The following KCP variants were observed in gnomAD, a reference collection of about 807,000 sequenced individuals.
KCP encodes the protein kielin cysteine rich BMP regulator.
In KCP, 194 loss-of-function variants were observed where a neutral mutation model predicts 212.7. That is an observed-to-expected ratio of 0.91 (90% CI 0.81 to 1.03). The LOEUF (loss-of-function observed/expected upper bound fraction) is 1.03. KCP is among the 50% of genes least tolerant of loss of function. The probability of loss-of-function intolerance (pLI) is 0.00; values close to 1 mark genes in which losing one functional copy is unlikely to be tolerated. For missense variants in KCP, 2,080 were observed against 2,162.5 expected (o/e 0.96, Z 0.76); for synonymous variants, 833 against 865.3 (o/e 0.96, Z 0.65).
At position 128,906,365 on chromosome 7, in the gene KCP, T is replaced by C. The variant is rs755689066; in HGVS notation, c.487-2A>G. ...CTGGTTGCAAGTGATGGTACCTTCCTGTGGGAGCAGACTGAGGTGGCTGCA... is the reference window on the plus strand; with the variant it reads ...CTGGTTGCAAGTGATGGTACCTTCCCGTGGGAGCAGACTGAGGTGGCTGCA... On this transcript the variant is annotated splice_acceptor_variant, in intron 4 of 39. Transcript: ENST00000610776. LOFTEE classifies it high-confidence loss of function. 6 of 1,546,454 alleles carry C rather than the reference T, an allele frequency of 3.9e-6. No homozygotes were observed. The South Asian group carries it at 7.2e-5, about 18-fold the overall frequency.
At chr7:128,904,973 G>A (rs1019555177) in intron 5 of KCP, among the ~76,000 whole-genome samples, 2 of 142,422 alleles carry the variant, frequency 1.4e-5, no homozygotes, top group Non-Finnish European at 1.5e-5. Flanking sequence ...GAGGCACCAC[G>A]TGCCCTGAAG....
chr7:128,883,944 G>T, intron 29 of KCP, 58 bp downstream of exon 29: 1 of 1,507,462 alleles, frequency 6.6e-7, no homozygotes, highest in South Asian at 1.3e-5. Flanking sequence ...GAGGAAGGGC[G>T]GCAGGGGGTG....
chr7:128,882,052 G>A (rs757994754), intron 29 of KCP, 36 bp from the exon 30 acceptor site: 57 of 1,490,504 alleles, frequency 3.8e-5, no homozygotes, highest in Non-Finnish European at 4.8e-5. Flanking sequence ...GGGACAGAAA[G>A]AGGGGCACAG....
At chr7:128,882,462 G>C (rs1443443699) in intron 29 of KCP, among the ~76,000 whole-genome samples, 1 of 152,194 alleles carries the variant, frequency 6.6e-6, no homozygotes, top group Non-Finnish European at 1.5e-5. Flanking sequence ...CTGAGCCTCA[G>C]TTTCTTAATC....
intron 20 of KCP, 101 bp from the exon 21 acceptor site, chr7:128,890,614 G>A: frequency 1.2e-6 from 1 of 856,620 alleles, no homozygotes; most frequent in Non-Finnish European, 1.7e-6. Context: ...TGTCGTGGGG[G>A]CCGTGGGGGC....
At position 128,904,074 on chromosome 7, in the gene KCP, A is replaced by G; in HGVS notation, c.636T>C (p.Cys212=). ...GACTCACCAGGCAGGTGCACTGTAG[A>G]CAAGGGTTGGAGCTGGACAGGAAGG... is the stretch of plus-strand genomic sequence containing the variant. ...GVTFLSSSNP[C]LQCTCLRSRV... The change falls in exon 6 of 40, where the codon TGT becomes TGC. Residue 212 remains cysteine, a synonymous_variant. Coordinates refer to ENST00000610776, the MANE Select transcript of KCP (RefSeq NM_001366122.1). 6.4e-7 allele frequency: 1 copy of G among 1,551,584 alleles called. No homozygotes were observed. The highest frequency in any genetic ancestry group is 1.2e-5 in the South Asian group (1 of 84,048).
At position 128,877,578 on chromosome 7, in the gene KCP, G is replaced by A. The variant is rs371147510; in HGVS notation, c.4524C>T (p.Ser1508=). Residue 1508 remains serine, a synonymous_variant, in exon 39 of 40, where the codon TCC becomes TCT. Coordinates refer to ENST00000610776, the MANE Select transcript of KCP (RefSeq NM_001366122.1). ...YDLCACGPGS[S]ADACLCDALE... Reference sequence around the variant, plus strand: ...GGGCATCACAGAGGCAGGCATCAGCGGAGGAGCCAGGGCCACAGGCACACA... The same window carrying A: ...GGGCATCACAGAGGCAGGCATCAGCAGAGGAGCCAGGGCCACAGGCACACA... 1.9e-4 allele frequency: 294 copies of A among 1,551,574 alleles called. No individual in the cohort carries two copies. The highest frequency in any genetic ancestry group is 1.1e-3 in the Admixed American group (54 of 51,006).
intron 8 of KCP, among the ~76,000 whole-genome samples, chr7:128,895,376 A>G (rs1272257367): frequency 1.3e-5 from 2 of 152,182 alleles, no homozygotes; most frequent in African/African-American, 4.8e-5. Flanking sequence ...CATGGTGGCT[A>G]CTGCCACTAC....
intron 11 of KCP, 111 bp from the exon 12 acceptor site, chr7:128,893,587 C>T: frequency 2.0e-6 from 2 of 1,010,240 alleles, no homozygotes; most frequent in Non-Finnish European, 2.9e-6. Flanking sequence ...CAGCCGAGTT[C>T]TCCAGGGCGC....
Position 128,910,643 on chromosome 7 carries a change from G to A in KCP, c.34C>T (p.Leu12Phe), listed in dbSNP as rs1359490814. The change falls in exon 1 of 40, where the codon CTC (leucine) becomes TTC (phenylalanine). Residue 12 changes from leucine to phenylalanine, a missense_variant. Leu to Phe is a conservative substitution (Grantham distance 22). Transcript: ENST00000610776. Reference sequence around the variant, plus strand: ...AGCGCCAGGGCCCCGAGGTGCAGGAGAAGGGACAGCGCAGCGGCCCCGACC... The same window carrying A: ...AGCGCCAGGGCCCCGAGGTGCAGGAAAAGGGACAGCGCAGCGGCCCCGACC... ...AGVGAAALSL[L>F]LHLGALALAA... The A allele has an allele frequency of 1.3e-6, 2 of 1,517,656 alleles. No individual in the cohort carries two copies. The highest frequency in any genetic ancestry group is 2.6e-5 in the East Asian group (1 of 38,636). 94.0% of individuals were successfully genotyped at this position (1,517,656 alleles called of 1,614,324 possible).
At chr7:128,893,707 T>C (rs750651660) in intron 11 of KCP, 99 bp downstream of exon 11, 1 of 1,315,228 alleles carries the variant, frequency 7.6e-7, no homozygotes, top group Non-Finnish European at 1.0e-6. Flanking sequence ...GGGAACAGGG[T>C]AACAGGGGCT....
chr7:128,887,231 G>C lies in KCP; in HGVS notation c.2582C>G (p.Ser861Cys), dbSNP rs1250455625. 6.4e-7 allele frequency: 1 copy of C among 1,551,366 alleles called. No homozygotes were observed. The highest frequency in any genetic ancestry group is 8.7e-7 in the Non-Finnish European group (1 of 1,146,842). Reference sequence around the variant, plus strand: ...CTGCCTCACCTGGCAGGTGCAGAGGGAGCAGGTAGGGTCAAGTGGGTCAGG... The same window carrying C: ...CTGCCTCACCTGGCAGGTGCAGAGGCAGCAGGTAGGGTCAAGTGGGTCAGG... Reference protein sequence around the residue: ...TLPDPLDPTCSLCTCQEGSMR... With the variant: ...TLPDPLDPTCCLCTCQEGSMR... Residue 861 changes from serine (S) to cysteine (C), a missense_variant, in exon 23 of 40, where the codon TCC becomes TGC. Ser to Cys is a moderately radical substitution (Grantham distance 112, BLOSUM62 -1). Coordinates refer to ENST00000610776, the MANE Select transcript of KCP (RefSeq NM_001366122.1).
chr7:128,885,099 G>A lies in KCP; in HGVS notation c.3038C>T (p.Ser1013Phe). Reference protein sequence around the residue: ...QGPHDCCPQCSDCEHEGRKYE... With the variant: ...QGPHDCCPQCFDCEHEGRKYE... ...CTCCCGCCCCAGGCTTCCAGTACCAGAGCATTGAGGACAGCAGTCATGGGG... is the reference window on the plus strand; with the variant it reads ...CTCCCGCCCCAGGCTTCCAGTACCAAAGCATTGAGGACAGCAGTCATGGGG... Residue 1013 changes from serine (S) to phenylalanine (F), a missense_variant and splice_region_variant, in exon 27 of 40, where the codon TCT becomes TTT. Physicochemically the swap from Ser to Phe is radical, Grantham distance 155. Coordinates refer to ENST00000610776, the MANE Select transcript of KCP (RefSeq NM_001366122.1). 1.9e-6 allele frequency: 3 copies of A among 1,550,770 alleles called. No individual in the cohort carries two copies. Among genetic ancestry groups the A allele is most frequent in the South Asian group, 1.2e-5 (1 of 84,064 alleles).
intron 28 of KCP, 95 bp from the exon 29 acceptor site, chr7:128,884,217 G>A (rs1446093621): frequency 1.4e-6 from 2 of 1,433,834 alleles, no homozygotes; most frequent in Non-Finnish European, 1.8e-6. Flanking sequence ...GCCTGCTGCA[G>A]CCTCTTCCGG....
intron 8 of KCP, among the ~76,000 whole-genome samples, chr7:128,898,114 G>A (rs1004456931): frequency 4.6e-5 from 7 of 151,804 alleles, no homozygotes; most frequent in Non-Finnish European, 1.0e-4. Flanking sequence ...GGAGTGCAAT[G>A]GTGCGATCTT....
chr7:128,889,798 G>A (rs1380909377), intron 21 of KCP: 1 of 153,728 alleles, frequency 6.5e-6, no homozygotes, highest in Non-Finnish European at 1.4e-5. Context: ...AAGACAGGGG[G>A]ACTGGGGGAC....
intron 37 of KCP, 140 bp downstream of exon 37, chr7:128,879,382 C>T: frequency 3.1e-6 from 2 of 654,632 alleles, no homozygotes; most frequent in East Asian, 2.7e-5. Context: ...ATCCACCTCC[C>T]CTCACACCCC....
In KCP at chr7:128,886,753, C is replaced by T. The variant is rs540578695; in HGVS notation, c.2690-16G>A. Reference sequence around the variant, plus strand: ...GAGAGACAGCCTGTGGGGGACACACCTCCTGGGTGGGGGGCCTGTGCCACC... The same window carrying T: ...GAGAGACAGCCTGTGGGGGACACACTTCCTGGGTGGGGGGCCTGTGCCACC... On this transcript the variant is annotated splice_polypyrimidine_tract_variant and intron_variant, in intron 24 of 39. Transcript: ENST00000610776. 408 of 1,550,986 alleles carry T rather than the reference C, an allele frequency of 2.6e-4. 7 individuals carry two copies. In the East Asian group the frequency reaches 9.9e-3, roughly 38 times the overall value.
Position 128,892,855 on chromosome 7 carries a change from G to GC in KCP, c.1420+13dup. ...ATGCAGGGGAAGAAAGCCAGGATCA[G>GC]CCCAGGCACTCACCAGGGGGCTGGG... On this transcript the variant is annotated intron_variant, in intron 14 of 39. Coordinates refer to ENST00000610776, the MANE Select transcript of KCP (RefSeq NM_001366122.1). 6.4e-7 allele frequency: 1 copy of GC among 1,551,184 alleles called. No individual in the cohort carries two copies. Among genetic ancestry groups the GC allele is most frequent in the Non-Finnish European group, 8.7e-7 (1 of 1,146,782 alleles).
Sources: gnomAD v4.1 joint callset for allele counts (sites outside exome capture counted in the v4.1 genomes callset) on GRCh38, gnomAD v4.1.1 for gene constraint, MANE v1.5 for transcripts, NCBI Gene and HGNC (gene_info 2026-07-23, HGNC 2026-07-21) for gene names.